Variants in DESI2 observed in about 807,000 individuals in gnomAD.
DESI2 encodes the protein deubiquitinase DESI2.
In DESI2, 10 loss-of-function variants were observed where a neutral mutation model predicts 24.1. The observed-to-expected ratio is 0.41, with a 90% CI of 0.26 to 0.70. DESI2 has a LOEUF of 0.70. Among genes scored for constraint, DESI2 ranks in the 30% least tolerant of loss-of-function variants. The pLI, the probability that DESI2 is intolerant of heterozygous loss-of-function variation, is 0.29. For missense variants in DESI2, 122 were observed against 234.9 expected (o/e 0.52, Z 3.14); for synonymous variants, 71 against 87.7 (o/e 0.81, Z 1.06).
At chr1:244,654,017 A>G (rs768331726) in intron 1 of DESI2, 12 of 471,030 alleles carry the variant, frequency 2.5e-5, no homozygotes, top group Non-Finnish European at 5.3e-5. Context: ...TCTGAAGACC[A>G]CTTTCCAGGT....
chr1:244,694,901 G>A (rs1370971669), intron 4 of DESI2, among the ~76,000 whole-genome samples: 1 of 152,168 alleles, frequency 6.6e-6, no homozygotes, highest in Admixed American at 6.5e-5. Context: ...AACAGAAAAA[G>A]TTTGCCAGCC....
At chr1:244,680,483 C>CT (rs1281633499) in intron 1 of DESI2, among the ~76,000 whole-genome samples, 2 of 151,688 alleles carry the variant, frequency 1.3e-5, no homozygotes, top group African/African-American at 4.8e-5. Flanking sequence ...ATAGTCCAGA[C>CT]TTACCTGATT....
chr1:244,704,662 A>G (rs1257798080), intron 4 of DESI2, among the ~76,000 whole-genome samples: 2 of 138,426 alleles, frequency 1.4e-5, no homozygotes, highest in Admixed American at 1.4e-4. Context: ...CTGGGAAAAC[A>G]CTTTGTGTGT....
chr1:244,693,706 C>T (rs950197776), intron 4 of DESI2, among the ~76,000 whole-genome samples: 5 of 152,236 alleles, frequency 3.3e-5, no homozygotes, highest in Admixed American at 2.6e-4. Context: ...GCTGGGATTA[C>T]AGGCGTGAGC....
intron 4 of DESI2, among the ~76,000 whole-genome samples, chr1:244,702,750 A>G (rs1362415253): frequency 1.3e-5 from 2 of 152,206 alleles, no homozygotes; most frequent in Admixed American, 6.5e-5. Flanking sequence ...AGGCTAATCA[A>G]GCCACACCCT....
chr1:244,675,522 T>A (rs1400834717), intron 1 of DESI2, among the ~76,000 whole-genome samples: 1 of 152,220 alleles, frequency 6.6e-6, no homozygotes, highest in African/African-American at 2.4e-5. Context: ...TCAGTTCTAT[T>A]TGTTGAAAAG....
At chr1:244,661,594 G>A (rs1675846286) in intron 1 of DESI2, among the ~76,000 whole-genome samples, 1 of 149,618 alleles carries the variant, frequency 6.7e-6, no homozygotes, top group Non-Finnish European at 1.5e-5. Flanking sequence ...AGTGTGTGAT[G>A]TTCCCCTTCC....
At chr1:244,665,243 G>T (rs1185698490) in intron 1 of DESI2, among the ~76,000 whole-genome samples, 1 of 151,578 alleles carries the variant, frequency 6.6e-6, no homozygotes, top group Non-Finnish European at 1.5e-5. Context: ...TTAAGTTGAT[G>T]AAACTGAGGC....
chr1:244,666,105 G>A (rs776808495), intron 1 of DESI2, among the ~76,000 whole-genome samples: 5 of 151,904 alleles, frequency 3.3e-5, no homozygotes, highest in African/African-American at 9.7e-5. Context: ...CCCACTCTCC[G>A]AGACAACTAC....
intron 4 of DESI2, among the ~76,000 whole-genome samples, chr1:244,700,782 T>A (rs986986811): frequency 1.3e-5 from 2 of 152,232 alleles, no homozygotes; most frequent in African/African-American, 4.8e-5. Context: ...AGAAACATAA[T>A]TGCTCATTTG....
intron 1 of DESI2, among the ~76,000 whole-genome samples, chr1:244,667,706 C>G (rs188985127): frequency 3.3e-5 from 5 of 152,300 alleles, no homozygotes; most frequent in Admixed American, 2.0e-4. Context: ...CCTCTTGCTG[C>G]CCCCTCCTCA....
chr1:244,691,695 G>A (rs1677035694), intron 3 of DESI2, among the ~76,000 whole-genome samples, 184 bp from the exon 4 acceptor site: 1 of 152,134 alleles, frequency 6.6e-6, no homozygotes, highest in East Asian at 1.9e-4. Flanking sequence ...CAGAAAAGTA[G>A]AAACTAAAAT....
intron 1 of DESI2, among the ~76,000 whole-genome samples, chr1:244,670,690 G>A (rs184596470): frequency 6.6e-6 from 1 of 152,310 alleles, no homozygotes; most frequent in Non-Finnish European, 1.5e-5. Context: ...CTAGCAAATA[G>A]TGGACTTCAA....
chr1:244,688,328 CTT>C (rs990232453), intron 2 of DESI2, among the ~76,000 whole-genome samples: 4 of 152,142 alleles, frequency 2.6e-5, no homozygotes, highest in Non-Finnish European at 5.9e-5. Context: ...CACTAAAAAA[CTT>C]TAAAAATTAT....
intron 1 of DESI2, among the ~76,000 whole-genome samples, chr1:244,674,889 C>G (rs933900105): frequency 2.0e-5 from 3 of 152,130 alleles, no homozygotes; most frequent in African/African-American, 7.2e-5. Flanking sequence ...AATAAAATTG[C>G]TAGGTCATAT....
chr1:244,653,449 G>A, intron 1 of DESI2, 94 bp downstream of exon 1: 3 of 1,328,986 alleles, frequency 2.3e-6, no homozygotes, highest in Non-Finnish European at 3.1e-6. Context: ...CTTCCTGCCT[G>A]GCGTCTCCGC....
chr1:244,683,096 A>G (rs1474871659), intron 1 of DESI2, among the ~76,000 whole-genome samples: 1 of 152,124 alleles, frequency 6.6e-6, no homozygotes, highest in East Asian at 1.9e-4. Context: ...TTCTGGCTAA[A>G]CCAACCTAAC....
rs978443621 is a variant in DESI2, at chr1:244,655,958, G to C, written c.42+2603G>C. On this transcript the variant is annotated intron_variant, in intron 1 of 4. Coordinates refer to ENST00000302550, the MANE Select transcript of DESI2 (RefSeq NM_016076.5). ...TAAGGTTTTCATGGAGGGGAACAGT[G>C]TGATCAGTTGTTTAGATTGAGATAC... 3.3e-5 allele frequency among the ~76,000 whole-genome samples: 5 copies of C among 152,246 alleles called. No individual in the cohort carries two copies. The South Asian group carries it at 1.0e-3, about 31-fold the overall frequency.
chr1:244,685,159 A>G (rs542824455), intron 1 of DESI2, among the ~76,000 whole-genome samples: 1 of 152,294 alleles, frequency 6.6e-6, no homozygotes, highest in African/African-American at 2.4e-5. Context: ...AAAAAGTTGT[A>G]CATTTTTATG....
Sources: gnomAD v4.1 joint callset for allele counts (sites outside exome capture counted in the v4.1 genomes callset) on GRCh38, gnomAD v4.1.1 for gene constraint, MANE v1.5 for transcripts, NCBI Gene and HGNC (gene_info 2026-07-23, HGNC 2026-07-21) for gene names.